NCAM2: variants seen among roughly 807,000 people sequenced by gnomAD.
NCAM2 encodes N-CAM-2.
NCAM2 carries 30 observed loss-of-function variants against 98.1 expected under a neutral mutation model. The observed-to-expected ratio is 0.31, with a 90% CI of 0.23 to 0.41. The LOEUF (loss-of-function observed/expected upper bound fraction) is 0.41, where lower values mean the gene tolerates loss of function less well. Ranked by LOEUF, NCAM2 falls within the 10% of genes least tolerant of loss-of-function variation. NCAM2 has a pLI of 1.00. For missense variants in NCAM2, 867 were observed against 1,005.8 expected (o/e 0.86, Z 1.87); for synonymous variants, 368 against 342.4 (o/e 1.07, Z -0.83).
chr21:21,350,479 A>C (rs1168798032), intron 8 of NCAM2, among the ~76,000 whole-genome samples: 1 of 152,084 alleles, frequency 6.6e-6, no homozygotes, highest in Non-Finnish European at 1.5e-5. Flanking sequence ...TGGGAAAAAA[A>C]TTATGCCTTT....
Position 21,505,705 on chromosome 21 carries a change from T to A in NCAM2, c.2078-3146T>A, listed in dbSNP as rs191315777. Among the ~76,000 whole-genome samples the A allele has an allele frequency of 4.6e-5, 7 of 152,170 alleles. No individual in the cohort carries two copies. In the East Asian group the frequency reaches 1.4e-3, roughly 29 times the overall value. ...ATGTGCTTACAGAATAGTTTAATGT[T>A]TAACATTAGATAATTTTTAGTTGAA... On this transcript the variant is annotated intron_variant, in intron 15 of 17. Transcript: ENST00000400546.
In NCAM2 at chr21:21,220,471, A is replaced by G. The variant is rs551441372; in HGVS notation, c.56-60107A>G. Among the ~76,000 whole-genome samples the G allele has an allele frequency of 3.7e-4, 57 of 152,272 alleles. 1 individual carries two copies. The highest frequency in any genetic ancestry group is 2.7e-3 in the Admixed American group (42 of 15,280). ...ACCACACAGCCTAGGTTTGTAGTAC[A>G]CTATAGTGTCTAGGTCTGTGTAAGC... is the stretch of plus-strand genomic sequence containing the variant. On this transcript the variant is annotated intron_variant, in intron 1 of 17. Transcript: ENST00000400546.
chr21:21,487,716 T>C (rs1363449156), intron 15 of NCAM2, among the ~76,000 whole-genome samples: 1 of 152,118 alleles, frequency 6.6e-6, no homozygotes, highest in African/African-American at 2.4e-5. Flanking sequence ...TTCCTCCATT[T>C]TACAGTCAAC....
intron 1 of NCAM2, among the ~76,000 whole-genome samples, chr21:21,159,765 C>G (rs1010034119): frequency 1.3e-5 from 2 of 151,914 alleles, no homozygotes; most frequent in Non-Finnish European, 2.9e-5. Context: ...CTCCCTCTCT[C>G]TCTGTATATA....
intron 10 of NCAM2, among the ~76,000 whole-genome samples, chr21:21,411,287 A>C (rs4377406): frequency 0.23 from 33,469 of 146,854 alleles, 4,061 homozygotes; most frequent in South Asian, 0.28. Flanking sequence ...AGGGCTAAAA[A>C]TTTGTCTTCA....
chr21:21,390,296 C>A (rs1368244846), intron 9 of NCAM2, among the ~76,000 whole-genome samples: 4 of 151,834 alleles, frequency 2.6e-5, no homozygotes, highest in Non-Finnish European at 5.9e-5. Flanking sequence ...ATAGGTGGCT[C>A]CCATTGCCAT....
intron 1 of NCAM2, among the ~76,000 whole-genome samples, chr21:21,081,788 G>T (rs1364715546): frequency 6.6e-6 from 1 of 151,532 alleles, no homozygotes; most frequent in Non-Finnish European, 1.5e-5. Flanking sequence ...GTGGCAGAAT[G>T]AGACTCCCTC....
At chr21:21,371,827 C>T (rs1176695331) in intron 8 of NCAM2, among the ~76,000 whole-genome samples, 2 of 151,636 alleles carry the variant, frequency 1.3e-5, no homozygotes, top group Non-Finnish European at 2.9e-5. Flanking sequence ...AGCACTGCAT[C>T]GCAGTGCCTG....
At chr21:21,483,201 C>A (rs951768916) in intron 15 of NCAM2, among the ~76,000 whole-genome samples, 3 of 152,004 alleles carry the variant, frequency 2.0e-5, no homozygotes, top group African/African-American at 7.2e-5. Context: ...CTGCTTCCTT[C>A]TTTTCCTGAA....
At chr21:21,444,898 T>C (rs1473354549) in intron 12 of NCAM2, among the ~76,000 whole-genome samples, 1 of 152,162 alleles carries the variant, frequency 6.6e-6, no homozygotes, top group Non-Finnish European at 1.5e-5. Context: ...TTGCTCTTGC[T>C]TCTCTAGCTC....
At chr21:21,257,672 T>C (rs925461448) in intron 1 of NCAM2, among the ~76,000 whole-genome samples, 1 of 152,042 alleles carries the variant, frequency 6.6e-6, no homozygotes, top group Non-Finnish European at 1.5e-5. Context: ...AACCTCTGCC[T>C]CCCGGGTTGA....
At chr21:21,175,161 A>G (rs192153686) in intron 1 of NCAM2, among the ~76,000 whole-genome samples, 9 of 152,314 alleles carry the variant, frequency 5.9e-5, no homozygotes, top group African/African-American at 2.2e-4. Context: ...GCAAGATCAC[A>G]AACTGGGAAA....
intron 12 of NCAM2, among the ~76,000 whole-genome samples, chr21:21,450,415 C>G (rs865950064): frequency 1.2e-5 from 1 of 84,524 alleles, no homozygotes. Context: ...ACAATCATAG[C>G]TCACTGAAGC....
At chr21:21,080,387 TA>T (rs1248946465) in intron 1 of NCAM2, among the ~76,000 whole-genome samples, 1 of 151,814 alleles carries the variant, frequency 6.6e-6, no homozygotes, top group Non-Finnish European at 1.5e-5. Flanking sequence ...GAGGCCGAGG[TA>T]GGCAGGTCAC....
At chr21:21,125,900 A>C (rs2066811247) in intron 1 of NCAM2, among the ~76,000 whole-genome samples, 1 of 151,636 alleles carries the variant, frequency 6.6e-6, no homozygotes, top group Non-Finnish European at 1.5e-5. Flanking sequence ...AATGATGGAA[A>C]GTTAAGCAAA....
chr21:21,260,707 G>A (rs2147343445), intron 1 of NCAM2, among the ~76,000 whole-genome samples: 1 of 152,114 alleles, frequency 6.6e-6, no homozygotes, highest in African/African-American at 2.4e-5. Flanking sequence ...GCTCAAAGGA[G>A]TCCTAAACAT....
intron 1 of NCAM2, among the ~76,000 whole-genome samples, chr21:21,235,990 G>A (rs1261994714): frequency 1.3e-5 from 2 of 151,932 alleles, no homozygotes; most frequent in Non-Finnish European, 2.9e-5. Context: ...TGTACTTACT[G>A]AGTTAATGAA....
chr21:21,075,398 A>G (rs2065660174), intron 1 of NCAM2, among the ~76,000 whole-genome samples: 1 of 152,206 alleles, frequency 6.6e-6, no homozygotes, highest in South Asian at 2.1e-4. Flanking sequence ...ATTGTCCTGC[A>G]ACAAAGCTGA....
At chr21:21,297,665 T>A (rs1162175947) in intron 5 of NCAM2, among the ~76,000 whole-genome samples, 1 of 151,744 alleles carries the variant, frequency 6.6e-6, no homozygotes, top group Non-Finnish European at 1.5e-5. Flanking sequence ...TCTCTCTTAC[T>A]TTAACCCACA....
Sources: gnomAD v4.1 joint callset for allele counts (sites outside exome capture counted in the v4.1 genomes callset) on GRCh38, gnomAD v4.1.1 for gene constraint, MANE v1.5 for transcripts, NCBI Gene and HGNC (gene_info 2026-07-23, HGNC 2026-07-21) for gene names.